Variants in RSPRY1 observed in about 807,000 individuals in gnomAD.
RSPRY1 encodes ring finger and SPRY domain containing 1.
A neutral mutation model predicts 73.1 loss-of-function variants in RSPRY1; 23 were observed. The observed-to-expected ratio is 0.31, with a 90% CI of 0.23 to 0.45. RSPRY1 has a LOEUF of 0.45. Among genes scored for constraint, RSPRY1 ranks in the 20% least tolerant of loss-of-function variants. The pLI is 1.00. For synonymous variants in RSPRY1, 226 were observed against 251.4 expected (o/e 0.90, Z 0.95); for missense variants, 448 against 698.7 (o/e 0.64, Z 4.05).
intron 1 of RSPRY1, among the ~76,000 whole-genome samples, chr16:57,190,279 G>C (rs1164618712): frequency 6.6e-6 from 1 of 152,194 alleles, no homozygotes; most frequent in Non-Finnish European, 1.5e-5. Flanking sequence ...TGAGGTGGTA[G>C]AATCTCTTGA....
intron 11 of RSPRY1, among the ~76,000 whole-genome samples, chr16:57,227,929 G>A (rs1394637943): frequency 6.6e-6 from 1 of 152,102 alleles, no homozygotes; most frequent in Non-Finnish European, 1.5e-5. Context: ...CTAGATAGAG[G>A]ATATAACCCA....
chr16:57,207,628 C>G (rs1400402161), intron 2 of RSPRY1: 2 of 456,882 alleles, frequency 4.4e-6, no homozygotes, highest in East Asian at 6.9e-5. Flanking sequence ...TATATAGGCC[C>G]TTGCTTCCAT....
chr16:57,216,113 C>G lies in RSPRY1; in HGVS notation c.709C>G (p.Gln237Glu). 6.5e-7 allele frequency: 1 copy of G among 1,532,024 alleles called. No homozygotes were observed. Among genetic ancestry groups the G allele is most frequent in the Non-Finnish European group, 9.0e-7 (1 of 1,112,978 alleles). The allele number at this position is 1,532,024 out of a possible 1,614,324, so 94.9% of individuals were successfully genotyped here. ...LEYLLQCLKL[Q>E]SHPTVMLFAL... ...ATCTTTTGTTGTTTTTCAGAAGTTA[C>G]AGTCCCACCCCACAGTCATGCTTTT... Residue 237 changes from glutamine to glutamate, a missense_variant, in exon 7 of 15, where the codon CAG becomes GAG. Gln to Glu is a conservative substitution (Grantham distance 29). Coordinates refer to ENST00000394420, the MANE Select transcript of RSPRY1 (RefSeq NM_133368.3).
At chr16:57,211,749 G>A (rs2074848038) in intron 4 of RSPRY1, among the ~76,000 whole-genome samples, 1 of 150,234 alleles carries the variant, frequency 6.7e-6, no homozygotes, top group Non-Finnish European at 1.5e-5. Flanking sequence ...TTGGATTCTG[G>A]CATCTTTCAT....
At chr16:57,237,757 G>T (rs1455977929) in intron 14 of RSPRY1, among the ~76,000 whole-genome samples, 1 of 151,614 alleles carries the variant, frequency 6.6e-6, no homozygotes, top group Non-Finnish European at 1.5e-5. Flanking sequence ...TGTCACCCAG[G>T]CTTGAGTGCA....
chr16:57,228,019 A>C lies in RSPRY1; in HGVS notation c.1273+566A>C, dbSNP rs569448297. ...TATAAACTGAATTTTTAGGCATGCT[A>C]AGAAAGCAGAAATTTAGGCTGAGGC... On this transcript the variant is annotated intron_variant, in intron 11 of 14. Transcript: ENST00000394420. Among the ~76,000 whole-genome samples, 5 of 152,292 alleles carry C rather than the reference A, an allele frequency of 3.3e-5. No homozygotes were observed. In the South Asian group the frequency reaches 1.0e-3, roughly 32 times the overall value.
intron 1 of RSPRY1, among the ~76,000 whole-genome samples, chr16:57,200,789 C>A (rs1364218330): frequency 4.7e-4 from 5 of 10,618 alleles, no homozygotes; most frequent in Admixed American, 3.6e-3. Flanking sequence ...GGGCTGGGGG[C>A]TGGCCCCCCC....
In RSPRY1 at chr16:57,221,327, C is replaced by G; in HGVS notation, c.1073C>G (p.Ala358Gly). 6.2e-7 allele frequency: 1 copy of G among 1,613,794 alleles called. No homozygotes were observed. The highest frequency in any genetic ancestry group is 8.5e-7 in the Non-Finnish European group (1 of 1,179,964). The part of the protein sequence containing the change: ...ESVRCTFCVD[A>G]GVWYYEVTVV... The stretch of plus-strand genomic sequence containing the variant: ...GTGCGTTGCACCTTTTGTGTGGATG[C>G]CGGGGTATGGTACTATGAAGTAACA... Residue 358 changes from alanine (A) to glycine (G), a missense_variant, in exon 10 of 15, where the codon GCC (alanine) becomes GGC (glycine). Ala to Gly is a moderately conservative substitution (Grantham distance 60). Transcript: ENST00000394420.
chr16:57,197,143 A>G (rs1468023735), intron 1 of RSPRY1, among the ~76,000 whole-genome samples: 1 of 152,136 alleles, frequency 6.6e-6, no homozygotes, highest in African/African-American at 2.4e-5. Flanking sequence ...TTTTGAATGG[A>G]TGAAACAAAA....
At chr16:57,233,883 G>A (rs779036355) in intron 13 of RSPRY1, among the ~76,000 whole-genome samples, 3 of 151,972 alleles carry the variant, frequency 2.0e-5, no homozygotes, top group Non-Finnish European at 4.4e-5. Context: ...TATTATTTTT[G>A]TCTTGCCCTC....
At chr16:57,228,272 C>CAAAA (rs34368338) in intron 11 of RSPRY1, among the ~76,000 whole-genome samples, 5 of 72,064 alleles carry the variant, frequency 6.9e-5, no homozygotes, top group African/African-American at 1.6e-4. Flanking sequence ...GACTCCATCT[C>CAAAA]AAAAAAAAAA....
At chr16:57,235,771 T>C (rs1011479085) in intron 14 of RSPRY1, among the ~76,000 whole-genome samples, 5 of 152,224 alleles carry the variant, frequency 3.3e-5, no homozygotes, top group African/African-American at 1.2e-4. Context: ...AACACTCAAG[T>C]TGATGTTACA....
intron 10 of RSPRY1, among the ~76,000 whole-genome samples, chr16:57,226,231 T>C (rs575282691): frequency 1.3e-5 from 2 of 152,368 alleles, no homozygotes; most frequent in East Asian, 3.9e-4. Context: ...GTCTGCTACA[T>C]GCAAGAAAGG....
chr16:57,197,035 T>C (rs1178771569), intron 1 of RSPRY1, among the ~76,000 whole-genome samples: 1 of 152,234 alleles, frequency 6.6e-6, no homozygotes, highest in Non-Finnish European at 1.5e-5. Context: ...GAGTGTGTAC[T>C]GTGCTATGGT....
chr16:57,228,031 A>G lies in RSPRY1; in HGVS notation c.1273+578A>G, dbSNP rs1453232641. 2.6e-5 allele frequency among the ~76,000 whole-genome samples: 4 copies of G among 152,146 alleles called. No homozygotes were observed. In the East Asian group the frequency reaches 7.7e-4, roughly 29 times the overall value. On this transcript the variant is annotated intron_variant, in intron 11 of 14. Transcript: ENST00000394420. ...TTTTAGGCATGCTAAGAAAGCAGAA[A>G]TTTAGGCTGAGGCAGGTGGATTGCT...
At position 57,230,862 on chromosome 16, in the gene RSPRY1, CT is replaced by C. The variant is rs761362728; in HGVS notation, c.1376+53del. The C allele has an allele frequency of 2.8e-6, 3 of 1,061,910 alleles. No homozygotes were observed. In the Admixed American group the frequency reaches 5.6e-5, roughly 20 times the overall value. 65.8% of individuals were successfully genotyped at this position (1,061,910 alleles called of 1,614,324 possible). ...AATTCGAGTAGATGCACGGAATGCCCTTTTCTCTAGGAAAAAAAAAGTCTTT... is the reference window on the plus strand; with the variant it reads ...AATTCGAGTAGATGCACGGAATGCCCTTTCTCTAGGAAAAAAAAAGTCTTT... On this transcript the variant is annotated intron_variant, in intron 12 of 14. Transcript: ENST00000394420.
chr16:57,206,539 A>G (rs2074728682), intron 2 of RSPRY1, among the ~76,000 whole-genome samples: 1 of 152,194 alleles, frequency 6.6e-6, no homozygotes. Context: ...TGCAGAATAG[A>G]CTTTGAGAGA....
intron 1 of RSPRY1, among the ~76,000 whole-genome samples, chr16:57,191,193 G>A (rs56872751): frequency 0.036 from 5,509 of 152,022 alleles, 291 homozygotes; most frequent in East Asian, 0.23. Flanking sequence ...AATTGTTTTC[G>A]CTCTTGTGTT....
chr16:57,212,873 A>G (rs2074870713), intron 4 of RSPRY1, 99 bp from the exon 5 acceptor site: 1 of 1,338,156 alleles, frequency 7.5e-7, no homozygotes, highest in African/African-American at 1.5e-5. Context: ...TCGGCCTCCC[A>G]AAGTGCTGGT....
Sources: allele counts gnomAD v4.1 joint callset (sites outside exome capture counted in the v4.1 genomes callset), GRCh38; gene constraint gnomAD v4.1.1; transcripts MANE v1.5; gene names NCBI Gene and HGNC (gene_info 2026-07-23, HGNC 2026-07-21).